TMEM43: variants seen among roughly 807,000 people sequenced by gnomAD.
TMEM43 encodes arrhythmogenic right ventricular dysplasia 5.
Under a neutral mutation model 49.6 loss-of-function variants are expected in TMEM43, and 45 were observed. The ratio of observed to expected loss-of-function variants is 0.91; its 90% CI spans 0.71 to 1.16. The LOEUF is 1.16. Among genes scored for constraint, TMEM43 ranks in the 50% most tolerant of loss-of-function variants. The pLI is 0.00. For synonymous variants in TMEM43, 199 were observed against 207.8 expected (o/e 0.96, Z 0.36); for missense variants, 532 against 516.6 (o/e 1.03, Z -0.29).
At chr3:14,136,283 G>A (rs1413770895) in intron 10 of TMEM43, among the ~76,000 whole-genome samples, 1 of 152,226 alleles carries the variant, frequency 6.6e-6, no homozygotes, top group East Asian at 1.9e-4. Context: ...TTGGCATTCA[G>A]AAAGTTTTGG....
chr3:14,127,006 A>C (rs906079972), intron 1 of TMEM43, among the ~76,000 whole-genome samples: 1 of 152,164 alleles, frequency 6.6e-6, no homozygotes, highest in Non-Finnish European at 1.5e-5. Flanking sequence ...CATCAAATCC[A>C]GTTCTGTCCA....
Position 14,132,954 on chromosome 3 carries a change from G to A in TMEM43, c.512+19G>A, listed in dbSNP as rs114026215. ...ACCCCAGGTGAGAGCCAGGCCCAAG[G>A]CCTGAGTGCAGCTTTGTCTACACTG... On this transcript the variant is annotated intron_variant, in intron 6 of 11. Coordinates refer to ENST00000306077, the MANE Select transcript of TMEM43 (RefSeq NM_024334.3). 11 of 1,605,498 alleles carry A rather than the reference G, an allele frequency of 6.9e-6. No individual in the cohort carries two copies. The African/African-American group carries it at 1.5e-4, about 21-fold the overall frequency.
chr3:14,136,186 A>G (rs1695167582), intron 10 of TMEM43, among the ~76,000 whole-genome samples: 1 of 152,242 alleles, frequency 6.6e-6, no homozygotes, highest in Non-Finnish European at 1.5e-5. Flanking sequence ...TTTCATGTAT[A>G]CTTTGTACAC....
At chr3:14,132,684 A>C in intron 5 of TMEM43, 89 bp downstream of exon 5, 4 of 1,512,492 alleles carry the variant, frequency 2.6e-6, no homozygotes, top group Non-Finnish European at 3.7e-6. Context: ...GGGCCATGGG[A>C]AGGATTCAGC....
chr3:14,141,346 C>T (rs1024113877), intron 11 of TMEM43, among the ~76,000 whole-genome samples: 20 of 152,202 alleles, frequency 1.3e-4, no homozygotes, highest in African/African-American at 4.8e-4. Context: ...AGCACTGCTA[C>T]ATCCTCTCCC....
intron 2 of TMEM43, among the ~76,000 whole-genome samples, chr3:14,130,368 G>T (rs1695077122): frequency 6.6e-6 from 1 of 152,144 alleles, no homozygotes; most frequent in African/African-American, 2.4e-5. Context: ...AGGCATGGAG[G>T]CTCAAGCCTG....
intron 6 of TMEM43, 55 bp from the exon 7 acceptor site, chr3:14,133,684 A>G (rs533934943): frequency 6.6e-7 from 1 of 1,504,416 alleles, no homozygotes; most frequent in East Asian, 2.3e-5. Context: ...ACCCAAAGGG[A>G]CCCGGGCAGC....
At chr3:14,130,614 G>A (rs567183567) in intron 2 of TMEM43, among the ~76,000 whole-genome samples, 4 of 152,192 alleles carry the variant, frequency 2.6e-5, no homozygotes, top group Non-Finnish European at 2.9e-5. Context: ...AACCAATGGG[G>A]CAGTAGGAAG....
intron 2 of TMEM43, 51 bp from the exon 3 acceptor site, chr3:14,130,771 A>G (rs1422423099): frequency 1.9e-6 from 3 of 1,602,480 alleles, no homozygotes; most frequent in African/African-American, 1.3e-5. Context: ...AAGCACAGTC[A>G]TGCTGAGCCA....
chr3:14,129,135 G>C, intron 1 of TMEM43: 1 of 397,242 alleles, frequency 2.5e-6, no homozygotes, highest in South Asian at 2.1e-5. Flanking sequence ...AGTTACCTCT[G>C]GTTGGTGGAG....
chr3:14,134,694 G>C, intron 7 of TMEM43, 76 bp from the exon 8 acceptor site: 3 of 1,602,634 alleles, frequency 1.9e-6, no homozygotes, highest in Non-Finnish European at 2.6e-6. Flanking sequence ...GCAGTGGAAG[G>C]GGGTCAGGCC....
Position 14,139,266 on chromosome 3 carries a change from CA to C in TMEM43, c.971del (p.Asn324ThrfsTer3), listed in dbSNP as rs1553603465. On this transcript the variant is annotated frameshift_variant, in exon 11 of 12. Coordinates refer to ENST00000306077, the MANE Select transcript of TMEM43 (RefSeq NM_024334.3). LOFTEE classifies it high-confidence loss of function. Reference sequence around the variant, plus strand: ...GCTGGATGGCCATGTTCATGGGCCTCAACCTTATGACACGGATCCTCTACAC... The same window carrying C: ...GCTGGATGGCCATGTTCATGGGCCTCACCTTATGACACGGATCCTCTACAC... ...AGWMAMFMGL[N>X]LMTRILYTLV... 1.2e-6 allele frequency: 2 copies of C among 1,614,082 alleles called. No homozygotes were observed. Among genetic ancestry groups the C allele is most frequent in the Non-Finnish European group, 1.7e-6 (2 of 1,179,950 alleles).
chr3:14,125,103 C>A lies in TMEM43; in HGVS notation c.-91C>A. On this transcript the variant is annotated 5_prime_UTR_variant, in exon 1 of 12. It adds an upstream start codon to the 5' untranslated region. Transcript: ENST00000306077. ...TCCACGCGGATTTTCGAAGCTGGGGCTGGCAAGAGGCCGCTGGACACCACG... is the reference window on the plus strand; with the variant it reads ...TCCACGCGGATTTTCGAAGCTGGGGATGGCAAGAGGCCGCTGGACACCACG... The A allele has an allele frequency of 6.5e-7, 1 of 1,547,888 alleles. No individual in the cohort carries two copies. Among genetic ancestry groups the A allele is most frequent in the Admixed American group, 1.8e-5 (1 of 55,464 alleles).
chr3:14,133,825 C>T lies in TMEM43; in HGVS notation c.583+16C>T, dbSNP rs1695132352. 4 of 1,613,280 alleles carry T rather than the reference C, an allele frequency of 2.5e-6. No homozygotes were observed. Among genetic ancestry groups the T allele is most frequent in the Admixed American group, 1.7e-5 (1 of 60,030 alleles). ...CTCTCGTCAGGTAAGTCTCAGGCCT[C>T]TCCAGAGGAGCTCGTGCCAGAAGCA... On this transcript the variant is annotated intron_variant, in intron 7 of 11. Coordinates refer to ENST00000306077, the MANE Select transcript of TMEM43 (RefSeq NM_024334.3).
At position 14,137,190 on chromosome 3, in the gene TMEM43, G is replaced by T. The variant is rs1025477055; in HGVS notation, c.882+1282G>T. 6.7e-5 allele frequency: 10 copies of T among 149,714 alleles called. 1 individual carries two copies. The highest frequency in any genetic ancestry group is 2.5e-4 in the African/African-American group (10 of 39,868). The allele number at this position is 149,714 out of a possible 1,614,324, so 9.3% of individuals were successfully genotyped here. On this transcript the variant is annotated intron_variant, in intron 10 of 11. Transcript: ENST00000306077. ...CCTGGTACCTGGCCAGGGCTAGGGT[G>T]TGGTCAGGCTGTTGCCCAGGAGCCC...
In TMEM43 at chr3:14,143,169, T is replaced by C. The variant is rs8516; in HGVS notation, c.*1374T>C. 25,144 of 152,282 alleles carry C rather than the reference T, an allele frequency of 0.17. 2,456 individuals carry two copies. Among genetic ancestry groups the C allele is most frequent in the Non-Finnish European group, 0.21 (14,541 of 68,006 alleles). 9.4% of individuals were successfully genotyped at this position (152,282 alleles called of 1,614,324 possible). A position where few individuals can be genotyped will look rare whatever the true frequency, so the allele number is the denominator to read the frequency against. On this transcript the variant is annotated 3_prime_UTR_variant, in exon 12 of 12. Transcript: ENST00000306077. ...AAGATAAAGTATGTTGTAACCAGGATGTCTTAAATGATTCTTTGTGTACCT... is the reference window on the plus strand; with the variant it reads ...AAGATAAAGTATGTTGTAACCAGGACGTCTTAAATGATTCTTTGTGTACCT...
chr3:14,133,867 C>A, intron 7 of TMEM43, 58 bp downstream of exon 7: 1 of 1,480,394 alleles, frequency 6.8e-7, no homozygotes, highest in Non-Finnish European at 9.4e-7. Flanking sequence ...CCCCCTAGGG[C>A]CGGAGCTCCC....
At chr3:14,139,459 G>A (rs970194415) in intron 11 of TMEM43, among the ~76,000 whole-genome samples, 162 bp downstream of exon 11, 19 of 152,220 alleles carry the variant, frequency 1.2e-4, no homozygotes, top group African/African-American at 4.6e-4. Context: ...TTGGGATGAG[G>A]GAGCAGAGGA....
chr3:14,139,894 G>T (rs1417542273), intron 11 of TMEM43, among the ~76,000 whole-genome samples: 3 of 152,206 alleles, frequency 2.0e-5, no homozygotes, highest in African/African-American at 7.2e-5. Flanking sequence ...CTGTGGCCCA[G>T]CGTGGTTCGG....
Sources: allele counts gnomAD v4.1 joint callset (sites outside exome capture counted in the v4.1 genomes callset), GRCh38; gene constraint gnomAD v4.1.1; transcripts MANE v1.5; gene names NCBI Gene and HGNC (gene_info 2026-07-23, HGNC 2026-07-21).